Variants in NT5C2 observed in about 807,000 individuals in gnomAD.
NT5C2 encodes the protein 5'-nucleotidase, cytosolic II.
A neutral mutation model predicts 76.1 loss-of-function variants in NT5C2; 58 were observed. That is an observed-to-expected ratio of 0.76 (90% confidence interval 0.62 to 0.95). NT5C2 has a LOEUF of 0.95. Among genes scored for constraint, NT5C2 ranks in the 40% least tolerant of loss-of-function variants. The pLI is 0.00. For missense variants in NT5C2, 478 were observed against 690.3 expected (o/e 0.69, Z 3.45); for synonymous variants, 229 against 237.4 (o/e 0.96, Z 0.32).
intron 4 of NT5C2, among the ~76,000 whole-genome samples, chr10:103,114,112 C>G (rs1043719532): frequency 3.9e-5 from 6 of 152,222 alleles, no homozygotes; most frequent in African/African-American, 1.4e-4. Flanking sequence ...AGTCTCTCAA[C>G]TGTATAACAC....
chr10:103,192,960 T>G (rs1591998379), intron 1 of NT5C2, among the ~76,000 whole-genome samples: 1 of 151,864 alleles, frequency 6.6e-6, no homozygotes, highest in Non-Finnish European at 1.5e-5. Flanking sequence ...GGCGCGAGCG[T>G]GACGTGGGCC....
intron 1 of NT5C2, among the ~76,000 whole-genome samples, chr10:103,187,653 A>G (rs1275354140): frequency 6.6e-6 from 1 of 152,180 alleles, no homozygotes; most frequent in African/African-American, 2.4e-5. Context: ...AAAATAACTT[A>G]AAATTCTTAT....
chr10:103,114,321 ATCAC>A (rs2135488593), intron 4 of NT5C2, among the ~76,000 whole-genome samples: 1 of 152,290 alleles, frequency 6.6e-6, no homozygotes, highest in South Asian at 2.1e-4. Context: ...ACGTGCCTGT[ATCAC>A]TGGTACCAGG....
At chr10:103,173,626 A>AG (rs2088902405) in intron 3 of NT5C2, among the ~76,000 whole-genome samples, 1 of 150,048 alleles carries the variant, frequency 6.7e-6, no homozygotes, top group East Asian at 2.0e-4. Flanking sequence ...AAAAAAAAAA[A>AG]AAAAAGAATT....
At chr10:103,172,027 C>T (rs2088192500) in intron 3 of NT5C2, among the ~76,000 whole-genome samples, 1 of 151,892 alleles carries the variant, frequency 6.6e-6, no homozygotes. Flanking sequence ...CTGGCAAACA[C>T]GGTGAAACCC....
chr10:103,173,607 G>A (rs1348495176), intron 3 of NT5C2, among the ~76,000 whole-genome samples: 11 of 101,706 alleles, frequency 1.1e-4, no homozygotes, highest in East Asian at 6.3e-4. Context: ...GCGAGACGCC[G>A]TCTCAAAAAA....
intron 3 of NT5C2, among the ~76,000 whole-genome samples, chr10:103,162,698 A>G (rs1363267929): frequency 6.6e-6 from 1 of 152,210 alleles, no homozygotes; most frequent in African/African-American, 2.4e-5. Flanking sequence ...ATTCCTGGGT[A>G]GAAACCAATA....
chr10:103,155,672 G>A (rs2083221963), intron 3 of NT5C2, among the ~76,000 whole-genome samples: 1 of 152,142 alleles, frequency 6.6e-6, no homozygotes, highest in Admixed American at 6.5e-5. Flanking sequence ...CTAGGTGACA[G>A]AGCAAGACCC....
At chr10:103,094,625 T>C in intron 12 of NT5C2, 170 bp from the exon 13 acceptor site, 1 of 573,782 alleles carries the variant, frequency 1.7e-6, no homozygotes, top group Non-Finnish European at 3.1e-6. Flanking sequence ...GGCTCACACC[T>C]GTAATCCCAG....
At position 103,139,719 on chromosome 10, in the gene NT5C2, TAC is replaced by T. The variant is rs1397421161; in HGVS notation, c.102-242_102-241del. On this transcript the variant is annotated intron_variant, in intron 3 of 18. Coordinates refer to ENST00000404739, the MANE Select transcript of NT5C2 (RefSeq NM_001351169.2). ...ACAAATTAACATACCCATTATCCCA[TAC>T]AGTTACCTTGTTTTCTTTCTTCTTG... Among the ~76,000 whole-genome samples, 6 of 152,298 alleles carry T rather than the reference TAC, an allele frequency of 3.9e-5. No homozygotes were observed. The South Asian group carries it at 1.0e-3, about 26-fold the overall frequency.
intron 4 of NT5C2, among the ~76,000 whole-genome samples, chr10:103,118,356 T>G (rs1412581734): frequency 8.6e-5 from 12 of 138,934 alleles, no homozygotes. Context: ...ATCATATTTC[T>G]TTTCCTTTTT....
In NT5C2 at chr10:103,094,460, T is replaced by C. The variant is rs1408600171; in HGVS notation, c.814-5A>G. ...TGGTCGATGGGAGCTCCCAGGCTGGTGAAGGAGAAACAGCAAAAGTTGAAA... is the reference window on the plus strand; with the variant it reads ...TGGTCGATGGGAGCTCCCAGGCTGGCGAAGGAGAAACAGCAAAAGTTGAAA... On this transcript the variant is annotated splice_polypyrimidine_tract_variant and splice_region_variant and intron_variant, in intron 12 of 18. Transcript: ENST00000404739. 8.9e-6 allele frequency: 14 copies of C among 1,576,656 alleles called. No individual in the cohort carries two copies. The highest frequency in any genetic ancestry group is 1.1e-5 in the Non-Finnish European group (13 of 1,146,472).
At chr10:103,105,273 A>G (rs1334947870) in intron 6 of NT5C2, 3 of 253,816 alleles carry the variant, frequency 1.2e-5, no homozygotes, top group Non-Finnish European at 2.2e-5. Flanking sequence ...ATTAGAATCT[A>G]AAAAACGTAT....
In NT5C2 at chr10:103,089,103, T is replaced by C. The variant is rs752803531; in HGVS notation, c.*569A>G. 4 of 226,960 alleles carry C rather than the reference T, an allele frequency of 1.8e-5. No individual in the cohort carries two copies. The highest frequency in any genetic ancestry group is 3.5e-5 in the Non-Finnish European group (4 of 114,200). 14.1% of individuals were successfully genotyped at this position (226,960 alleles called of 1,614,324 possible). On this transcript the variant is annotated 3_prime_UTR_variant, in exon 19 of 19. Transcript: ENST00000404739. Reference sequence around the variant, plus strand: ...AAGCAACGCAAGTAGAGCATACTTCTGTGCAAAGCCAGTGATAGAGAAGCA... The same window carrying C: ...AAGCAACGCAAGTAGAGCATACTTCCGTGCAAAGCCAGTGATAGAGAAGCA...
chr10:103,192,499 T>G (rs1299738489), intron 1 of NT5C2, among the ~76,000 whole-genome samples: 1 of 152,188 alleles, frequency 6.6e-6, no homozygotes, highest in South Asian at 2.1e-4. Flanking sequence ...CATCTCGCCC[T>G]CTCCGATTTC....
In NT5C2 at chr10:103,094,687, T is replaced by G. The variant is rs7080242; in HGVS notation, c.814-232A>C. Among the ~76,000 whole-genome samples the G allele has an allele frequency of 0.024, 3,698 of 152,128 alleles. 69 individuals are homozygous for G. The highest frequency in any genetic ancestry group is 0.047 in the African/African-American group (1,940 of 41,488). On this transcript the variant is annotated intron_variant, in intron 12 of 18. Coordinates refer to ENST00000404739, the MANE Select transcript of NT5C2 (RefSeq NM_001351169.2). ...TCACAAGGTCCGGAAATCAAGACCA[T>G]CCTGGCCAACATGGTGAAAACCTGT...
At chr10:103,115,908 A>T (rs2074231867) in intron 4 of NT5C2, among the ~76,000 whole-genome samples, 1 of 152,126 alleles carries the variant, frequency 6.6e-6, no homozygotes, top group African/African-American at 2.4e-5. Flanking sequence ...ATCTACAAGT[A>T]AGATAATGCA....
chr10:103,171,081 G>C (rs1478215523), intron 3 of NT5C2, among the ~76,000 whole-genome samples: 4 of 152,048 alleles, frequency 2.6e-5, no homozygotes, highest in African/African-American at 9.7e-5. Context: ...CTCACACACA[G>C]AAGAGAATCG....
intron 3 of NT5C2, among the ~76,000 whole-genome samples, chr10:103,140,507 G>C (rs1476591779): frequency 6.6e-6 from 1 of 152,048 alleles, no homozygotes; most frequent in Non-Finnish European, 1.5e-5. Flanking sequence ...ATGAACATGG[G>C]AGTGCAGGTA....
Sources: gnomAD v4.1 joint callset for allele counts (sites outside exome capture counted in the v4.1 genomes callset) on GRCh38, gnomAD v4.1.1 for gene constraint, MANE v1.5 for transcripts, NCBI Gene and HGNC (gene_info 2026-07-23, HGNC 2026-07-21) for gene names.